Variants in ATG13 observed in about 807,000 individuals in gnomAD.
The protein encoded by ATG13 is autophagy-related protein 13.
In ATG13, 23 loss-of-function variants were observed where a neutral mutation model predicts 65.5. The ratio of observed to expected loss-of-function variants is 0.35; its 90% CI spans 0.25 to 0.50. The LOEUF is 0.50. ATG13 is among the 20% of genes least tolerant of loss of function. The pLI is 0.98. For missense variants in ATG13, 566 were observed against 677.0 expected (o/e 0.84, Z 1.82); for synonymous variants, 252 against 245.2 (o/e 1.03, Z -0.26).
intron 2 of ATG13, among the ~76,000 whole-genome samples, chr11:46,639,103 T>C (rs2055007924): frequency 6.6e-6 from 1 of 152,168 alleles, no homozygotes; most frequent in Non-Finnish European, 1.5e-5. Context: ...TTCTCCTGCC[T>C]CGGCCTCCCA....
intron 1 of ATG13, among the ~76,000 whole-genome samples, chr11:46,620,385 G>A (rs140546001): frequency 0.022 from 3,390 of 151,656 alleles, 123 homozygotes; most frequent in African/African-American, 0.077. Context: ...GTGAGCCACC[G>A]CGCCAGGCCT....
intron 8 of ATG13, 187 bp from the exon 9 acceptor site, chr11:46,656,908 T>TACACAC (rs1455493304): frequency 2.0e-6 from 1 of 510,624 alleles, no homozygotes; most frequent in Non-Finnish European, 3.5e-6. Flanking sequence ...AACCTATATA[T>TACACAC]ACACACACAT....
At position 46,665,504 on chromosome 11, in the gene ATG13, C is replaced by A. The variant is rs762323138; in HGVS notation, c.1121C>A (p.Ala374Asp). ...CTPSDRTHCA[A>D]TPSSSEDTET... is the part of the protein sequence containing the mutation. ...CCTTCTGACAGAACCCACTGTGCTG[C>A]CACACCCTCCAGTAGGTGAGTTCAC... The change falls in exon 14 of 19, where the codon GCC becomes GAC. Residue 374 changes from alanine to aspartate, a missense_variant. Coordinates refer to ENST00000683050, the MANE Select transcript of ATG13 (RefSeq NM_001346311.2). The A allele has an allele frequency of 6.2e-7, 1 of 1,614,168 alleles. No homozygotes were observed. The highest frequency in any genetic ancestry group is 1.7e-5 in the Admixed American group (1 of 60,030).
chr11:46,673,027 G>A lies in ATG13; in HGVS notation c.*695G>A, dbSNP rs964301448. 4.7e-5 allele frequency: 10 copies of A among 212,946 alleles called. No individual in the cohort carries two copies. The highest frequency in any genetic ancestry group is 2.3e-4 in the African/African-American group (10 of 43,216). The allele number at this position is 212,946 out of a possible 1,614,324, so 13.2% of individuals were successfully genotyped here. On this transcript the variant is annotated 3_prime_UTR_variant, in exon 19 of 19. Transcript: ENST00000683050. ...CTCAGCTCCATGGGAAATAAAAATG[G>A]CACCCTGAATCTCTAGGATTTTGTC...
intron 15 of ATG13, among the ~76,000 whole-genome samples, chr11:46,668,122 A>C (rs2062789712): frequency 6.6e-6 from 1 of 152,194 alleles, no homozygotes; most frequent in Non-Finnish European, 1.5e-5. Flanking sequence ...AGAAAGGGAG[A>C]CTAGACCTAG....
chr11:46,668,749 T>A, intron 16 of ATG13, 45 bp from the exon 17 acceptor site: 1 of 1,541,124 alleles, frequency 6.5e-7, no homozygotes. Flanking sequence ...GTAACTTGAA[T>A]CTGGGTCACA....
chr11:46,672,521 A>G lies in ATG13; in HGVS notation c.*189A>G. 2 of 1,466,912 alleles carry G rather than the reference A, an allele frequency of 1.4e-6. No homozygotes were observed. Among genetic ancestry groups the G allele is most frequent in the Non-Finnish European group, 1.8e-6 (2 of 1,110,330 alleles). 90.9% of individuals were successfully genotyped at this position (1,466,912 alleles called of 1,614,324 possible). On this transcript the variant is annotated 3_prime_UTR_variant, in exon 19 of 19. Coordinates refer to ENST00000683050, the MANE Select transcript of ATG13 (RefSeq NM_001346311.2). Reference sequence around the variant, plus strand: ...AGACTCCGTGGCGGCAGTCAAGCCCAGTGCCCAGTTGGAGAAGACTCACGT... The same window carrying G: ...AGACTCCGTGGCGGCAGTCAAGCCCGGTGCCCAGTTGGAGAAGACTCACGT...
At chr11:46,664,255 A>G in intron 12 of ATG13, 160 bp downstream of exon 12, 1 of 560,588 alleles carries the variant, frequency 1.8e-6, no homozygotes, top group Non-Finnish European at 3.0e-6. Flanking sequence ...GCCACGGCCC[A>G]ACAGCCTAAA....
chr11:46,667,214 C>T (rs145186455), intron 14 of ATG13, among the ~76,000 whole-genome samples: 11 of 152,284 alleles, frequency 7.2e-5, no homozygotes, highest in Admixed American at 4.6e-4. Context: ...CTTGAATCCC[C>T]GTTTTTGGCC....
intron 1 of ATG13, among the ~76,000 whole-genome samples, chr11:46,621,309 A>G (rs1338887772): frequency 6.6e-6 from 1 of 152,150 alleles, no homozygotes; most frequent in Non-Finnish European, 1.5e-5. Context: ...CACCGCGCCC[A>G]GCCATATTTG....
chr11:46,654,283 T>TATA (rs1555105175), intron 7 of ATG13, among the ~76,000 whole-genome samples: 6,987 of 122,214 alleles, frequency 0.057, 262 homozygotes, highest in Non-Finnish European at 0.074. Context: ...TTTTAAAATT[T>TATA]TATATATATA....
At position 46,617,729 on chromosome 11, in the gene ATG13, G is replaced by A; in HGVS notation, c.-231G>A. 2.5e-6 allele frequency: 1 copy of A among 398,200 alleles called. No individual in the cohort carries two copies. Among genetic ancestry groups the A allele is most frequent in the Non-Finnish European group, 4.4e-6 (1 of 225,880 alleles). 24.7% of individuals were successfully genotyped at this position (398,200 alleles called of 1,614,324 possible). A position where few individuals can be genotyped will look rare whatever the true frequency, so the allele number is the denominator to read the frequency against. ...TAGGAGCAAAACGTCTGGGGCCTGC[G>A]AGCCAGGACCCTTCTGAAGCCTTAG... On this transcript the variant is annotated 5_prime_UTR_variant, in exon 1 of 19. Transcript: ENST00000683050.
At chr11:46,662,839 G>A (rs1226621714) in intron 11 of ATG13, among the ~76,000 whole-genome samples, 1 of 152,328 alleles carries the variant, frequency 6.6e-6, no homozygotes, top group East Asian at 1.9e-4. Context: ...TTAATGTGAT[G>A]TTGTTGGTTT....
At chr11:46,646,687 C>G (rs1366058247) in intron 5 of ATG13, among the ~76,000 whole-genome samples, 1 of 151,722 alleles carries the variant, frequency 6.6e-6, no homozygotes, top group Non-Finnish European at 1.5e-5. Flanking sequence ...TGGTGTTGAA[C>G]TCCTGACCTC....
rs1382298669 is a variant in ATG13 at position 46,663,989 on chromosome 11, GTGCACAGT to G, written c.790-7_790del. ...GTTTCTCCTGTCTCTGTGTGTGTCT[GTGCACAGT>G]GTGTGTTTACTGTCACAAAGGCACA... On this transcript the variant is annotated splice_acceptor_variant and splice_polypyrimidine_tract_variant and coding_sequence_variant and intron_variant, in exon 12 of 19. Coordinates refer to ENST00000683050, the MANE Select transcript of ATG13 (RefSeq NM_001346311.2). LOFTEE classifies it high-confidence loss of function. The G allele has an allele frequency of 6.4e-6, 7 of 1,101,180 alleles. No individual in the cohort carries two copies. Among genetic ancestry groups the G allele is most frequent in the Non-Finnish European group, 9.0e-6 (7 of 777,620 alleles). 68.2% of individuals were successfully genotyped at this position (1,101,180 alleles called of 1,614,324 possible). A position where few individuals can be genotyped will look rare whatever the true frequency, so the allele number is the denominator to read the frequency against.
intron 7 of ATG13, among the ~76,000 whole-genome samples, chr11:46,652,261 C>A (rs1431741852): frequency 1.3e-5 from 2 of 151,040 alleles, no homozygotes; most frequent in East Asian, 3.9e-4. Context: ...AAAACCCAAA[C>A]AAACTAGTGC....
At chr11:46,629,150 C>G (rs751995193) in intron 1 of ATG13, among the ~76,000 whole-genome samples, 2 of 151,812 alleles carry the variant, frequency 1.3e-5, no homozygotes, top group Non-Finnish European at 2.9e-5. Flanking sequence ...ACCATGTGGG[C>G]TAGGCTGGTC....
At chr11:46,671,853 C>T (rs2063806356) in intron 18 of ATG13, among the ~76,000 whole-genome samples, 1 of 152,226 alleles carries the variant, frequency 6.6e-6, no homozygotes, top group African/African-American at 2.4e-5. Flanking sequence ...CCAGGGGGTC[C>T]CGATGCCCAG....
rs2064366484 is a variant in ATG13 at position 46,674,461 on chromosome 11, C to CGA, written c.*2131_*2132dup. 6.6e-6 allele frequency: 1 copy of CGA among 151,932 alleles called. No individual in the cohort carries two copies. Among genetic ancestry groups the CGA allele is most frequent in the Admixed American group, 6.6e-5 (1 of 15,246 alleles). The allele number at this position is 151,932 out of a possible 1,614,324, so 9.4% of individuals were successfully genotyped here. A position where few individuals can be genotyped will look rare whatever the true frequency, so the allele number is the denominator to read the frequency against. ...TCCAACCTACTTTGTTTGGAAATAC[C>CGA]GAGCTACACTTCAAAATGTATTCAA... On this transcript the variant is annotated 3_prime_UTR_variant, in exon 19 of 19. Coordinates refer to ENST00000683050, the MANE Select transcript of ATG13 (RefSeq NM_001346311.2).
Sources: allele counts gnomAD v4.1 joint callset (sites outside exome capture counted in the v4.1 genomes callset), GRCh38; gene constraint gnomAD v4.1.1; transcripts MANE v1.5; gene names NCBI Gene and HGNC (gene_info 2026-07-23, HGNC 2026-07-21).